Variants in INPP5A observed in about 807,000 individuals in gnomAD.
The protein encoded by INPP5A is 43 kDa inositol polyphosphate 5-phophatase.
A neutral mutation model predicts 65.2 loss-of-function variants in INPP5A; 14 were observed. That is an observed-to-expected ratio of 0.21 (90% CI 0.14 to 0.34). The LOEUF (loss-of-function observed/expected upper bound fraction) is 0.34. Among genes scored for constraint, INPP5A ranks in the 10% least tolerant of loss-of-function variants. The probability of loss-of-function intolerance (pLI) is 1.00; values close to 1 mark genes in which losing one functional copy is unlikely to be tolerated. For synonymous variants in INPP5A, 207 were observed against 208.3 expected (o/e 0.99, Z 0.05); for missense variants, 431 against 545.6 (o/e 0.79, Z 2.09).
intron 1 of INPP5A, among the ~76,000 whole-genome samples, chr10:132,571,361 C>T (rs568250198): frequency 9.8e-5 from 15 of 152,310 alleles, no homozygotes; most frequent in East Asian, 7.8e-4. Flanking sequence ...GCTGGCACGC[C>T]GGGCTCTGCC....
chr10:132,701,973 C>G (rs1324320045), intron 6 of INPP5A, among the ~76,000 whole-genome samples: 2 of 152,234 alleles, frequency 1.3e-5, no homozygotes, highest in African/African-American at 4.8e-5. Context: ...GCATGGGACG[C>G]CCTCTGTGAG....
At chr10:132,684,017 A>G (rs376061093) in intron 4 of INPP5A, among the ~76,000 whole-genome samples, 110 of 152,346 alleles carry the variant, frequency 7.2e-4, no homozygotes, top group African/African-American at 2.6e-3. Context: ...GCCTGGCCAA[A>G]TTACAGTATT....
chr10:132,579,731 C>G (rs1296566860), intron 1 of INPP5A, among the ~76,000 whole-genome samples: 1 of 151,992 alleles, frequency 6.6e-6, no homozygotes, highest in Non-Finnish European at 1.5e-5. Context: ...CAGGGCTGGC[C>G]TCCCATAGCG....
At chr10:132,763,015 C>T (rs1161506417) in intron 11 of INPP5A, among the ~76,000 whole-genome samples, 1 of 152,060 alleles carries the variant, frequency 6.6e-6, no homozygotes, top group Non-Finnish European at 1.5e-5. Flanking sequence ...ACTTAAAAAC[C>T]ATACTTGGGA....
chr10:132,628,271 C>G (rs2072214669), intron 2 of INPP5A, among the ~76,000 whole-genome samples: 1 of 152,204 alleles, frequency 6.6e-6, no homozygotes, highest in Non-Finnish European at 1.5e-5. Flanking sequence ...GCTCCCCTTT[C>G]TGGGCTGTGT....
intron 1 of INPP5A, among the ~76,000 whole-genome samples, chr10:132,558,925 C>A (rs1451343597): frequency 1.3e-5 from 2 of 152,192 alleles, no homozygotes; most frequent in Non-Finnish European, 2.9e-5. Flanking sequence ...CCCTCCACAC[C>A]CCTTAGGGAA....
At position 132,676,050 on chromosome 10, in the gene INPP5A, T is replaced by C. The variant is rs982375530; in HGVS notation, c.307-14342T>C. Among the ~76,000 whole-genome samples the C allele has an allele frequency of 1.3e-5, 2 of 152,222 alleles. No individual in the cohort carries two copies. Among genetic ancestry groups the C allele is most frequent in the African/African-American group, 2.4e-5 (1 of 41,458 alleles). Reference sequence around the variant, plus strand: ...TTACATAATTTAATTGGCATAAAAGTTTATTGATTTACTTGTATAATCATT... The same window carrying C: ...TTACATAATTTAATTGGCATAAAAGCTTATTGATTTACTTGTATAATCATT... On this transcript the variant is annotated intron_variant, in intron 4 of 15. Coordinates refer to ENST00000368594, the MANE Select transcript of INPP5A (RefSeq NM_005539.5). The surrounding 1 kb of genome is among the most constrained non-coding windows in gnomAD (Gnocchi z 4.0).
chr10:132,749,885 G>T (rs373844221), intron 11 of INPP5A, 40 bp downstream of exon 11: 37 of 1,554,406 alleles, frequency 2.4e-5, no homozygotes, highest in Non-Finnish European at 2.6e-5. Flanking sequence ...CCCGTCCTGG[G>T]ACATCCACGC....
chr10:132,614,510 C>G (rs994018187), intron 2 of INPP5A, among the ~76,000 whole-genome samples: 2 of 152,176 alleles, frequency 1.3e-5, no homozygotes, highest in African/African-American at 4.8e-5. Context: ...CTGGGCTCAC[C>G]CTGTGCTGGC....
At chr10:132,626,388 T>A (rs1237118580) in intron 2 of INPP5A, among the ~76,000 whole-genome samples, 4 of 152,070 alleles carry the variant, frequency 2.6e-5, no homozygotes. Flanking sequence ...GTAGGGTGGG[T>A]GTGTGTTGAA....
intron 4 of INPP5A, 82 bp from the exon 5 acceptor site, chr10:132,690,310 G>A: frequency 1.1e-6 from 1 of 936,872 alleles, no homozygotes; most frequent in South Asian, 1.4e-5. Flanking sequence ...TAGTTTAAAA[G>A]AGCTTCTTTT....
intron 6 of INPP5A, among the ~76,000 whole-genome samples, chr10:132,702,258 A>G (rs1283101817): frequency 6.6e-6 from 1 of 152,256 alleles, no homozygotes; most frequent in African/African-American, 2.4e-5. Flanking sequence ...AAAATCTTAG[A>G]ATCCTAAAAC....
intron 1 of INPP5A, among the ~76,000 whole-genome samples, chr10:132,554,848 G>A (rs1157286619): frequency 6.6e-6 from 1 of 150,426 alleles, no homozygotes; most frequent in Non-Finnish European, 1.5e-5. Context: ...GGTGTGGGTG[G>A]TGTGATCAAT....
Position 132,727,098 on chromosome 10 carries a change from G to C in INPP5A, c.732+193G>C, listed in dbSNP as rs1248580541. ...AGGGATCCGTGTTGGAATCCGGGGT[G>C]CGCGGGCCCTCAAGGTTGCCCCGGA... On this transcript the variant is annotated intron_variant, in intron 9 of 15. Coordinates refer to ENST00000368594, the MANE Select transcript of INPP5A (RefSeq NM_005539.5). This position sits in a 1 kb window ranked among gnomAD's most constrained non-coding sequence, Gnocchi z 6.5. The C allele has an allele frequency of 2.3e-6, 1 of 443,822 alleles. No homozygotes were observed. The highest frequency in any genetic ancestry group is 4.0e-6 in the Non-Finnish European group (1 of 248,522). 27.5% of individuals were successfully genotyped at this position (443,822 alleles called of 1,614,324 possible).
At chr10:132,608,847 C>T (rs927487613) in intron 2 of INPP5A, among the ~76,000 whole-genome samples, 1 of 152,168 alleles carries the variant, frequency 6.6e-6, no homozygotes, top group African/African-American at 2.4e-5. Flanking sequence ...AGTGGAGGCC[C>T]AGGGGCCCTC....
In INPP5A at chr10:132,706,782, C is replaced by T. The variant is rs1310171478; in HGVS notation, c.475-1531C>T. Among the ~76,000 whole-genome samples, 5 of 152,112 alleles carry T rather than the reference C, an allele frequency of 3.3e-5. No individual in the cohort carries two copies. Among genetic ancestry groups the T allele is most frequent in the Admixed American group, 2.0e-4 (3 of 15,280 alleles). ...TGGGGGCCACTGTCCTGGAGGGAGA[C>T]AGGGAGAAGGAGACGGGGCTGCAGG... On this transcript the variant is annotated intron_variant, in intron 6 of 15. Coordinates refer to ENST00000368594, the MANE Select transcript of INPP5A (RefSeq NM_005539.5). This position sits in a 1 kb window ranked among gnomAD's most constrained non-coding sequence, Gnocchi z 4.7.
chr10:132,648,292 T>C (rs577693209), intron 3 of INPP5A, among the ~76,000 whole-genome samples: 90 of 152,386 alleles, frequency 5.9e-4, no homozygotes, highest in African/African-American at 1.8e-3. Context: ...GTGTGAGAGC[T>C]TCACAGTGGA....
At chr10:132,688,637 G>T (rs1451104283) in intron 4 of INPP5A, among the ~76,000 whole-genome samples, 1 of 151,824 alleles carries the variant, frequency 6.6e-6, no homozygotes, top group Non-Finnish European at 1.5e-5. Context: ...GTGCGTGCGT[G>T]TGCATGAGTG....
chr10:132,630,974 T>G (rs556571417), intron 2 of INPP5A, among the ~76,000 whole-genome samples: 3 of 152,144 alleles, frequency 2.0e-5, no homozygotes, highest in Admixed American at 2.0e-4. Flanking sequence ...GCCCTATCTC[T>G]GGGGGGAAGG....
Sources: gnomAD v4.1 joint callset for allele counts (sites outside exome capture counted in the v4.1 genomes callset) on GRCh38, gnomAD v4.1.1 for gene constraint, Gnocchi (gnomAD v3.1) non-coding constraint, MANE v1.5 for transcripts, NCBI Gene and HGNC (gene_info 2026-07-23, HGNC 2026-07-21) for gene names.